ZNF333: variants seen among roughly 807,000 people sequenced by gnomAD.
ZNF333 encodes the protein zinc finger protein 333.
In ZNF333, 61 loss-of-function variants were observed where a neutral mutation model predicts 76.1. The ratio of observed to expected loss-of-function variants is 0.80; its 90% confidence interval spans 0.65 to 0.99. The LOEUF (loss-of-function observed/expected upper bound fraction) is 0.99. ZNF333 is among the 50% of genes least tolerant of loss of function. ZNF333 has a pLI of 0.00. For synonymous variants in ZNF333, 284 were observed against 305.0 expected (o/e 0.93, Z 0.72); for missense variants, 717 against 822.4 (o/e 0.87, Z 1.57).
At chr19:14,693,594 G>A (rs1267072699) in intron 2 of ZNF333, 100 bp downstream of exon 2, 1 of 1,397,962 alleles carries the variant, frequency 7.2e-7, no homozygotes. Flanking sequence ...GTCCCCAACT[G>A]AGGAAGAAAG....
intron 11 of ZNF333, among the ~76,000 whole-genome samples, chr19:14,728,212 C>T (rs903208003): frequency 6.6e-6 from 1 of 151,394 alleles, no homozygotes; most frequent in Non-Finnish European, 1.5e-5. Context: ...GACTCCGTCT[C>T]AAAAAAAAAT....
At chr19:14,706,878 C>T (rs2042126348) in intron 7 of ZNF333, 105 bp downstream of exon 7, 1 of 947,130 alleles carries the variant, frequency 1.1e-6, no homozygotes, top group Non-Finnish European at 1.6e-6. Flanking sequence ...TGACTGCAGG[C>T]ACTGCCGTGG....
Position 14,720,373 on chromosome 19 carries a change from G to A in ZNF333, c.*1048G>A. The A allele has an allele frequency of 1.0e-6, 1 of 985,414 alleles. No homozygotes were observed. Among genetic ancestry groups the A allele is most frequent in the Non-Finnish European group, 1.2e-6 (1 of 829,928 alleles). The allele number at this position is 985,414 out of a possible 1,614,324, so 61.0% of individuals were successfully genotyped here. ...CCACTTCTTGCCTTTTGGACAAGTA[G>A]ACATGATTTCTAGACCTAGAGGAGC... On this transcript the variant is annotated 3_prime_UTR_variant, in exon 12 of 12. Transcript: ENST00000292530.
chr19:14,729,949 GA>G (rs1229100148), intron 11 of ZNF333, among the ~76,000 whole-genome samples: 1 of 152,212 alleles, frequency 6.6e-6, no homozygotes, highest in African/African-American at 2.4e-5. Flanking sequence ...GGAAAGGGCA[GA>G]AATCCTCAGT....
chr19:14,720,991 T>C lies in ZNF333; in HGVS notation c.*1666T>C. ...TGTTACTTTTATTCTTATAAAGTGA[T>C]CATCCTTTTCCCTATTACTGAACAT... is the stretch of plus-strand genomic sequence containing the variant. On this transcript the variant is annotated 3_prime_UTR_variant, in exon 12 of 12. Coordinates refer to ENST00000292530, the MANE Select transcript of ZNF333 (RefSeq NM_032433.4). 1 of 902,430 alleles carries C rather than the reference T, an allele frequency of 1.1e-6. No homozygotes were observed. Among genetic ancestry groups the C allele is most frequent in the Non-Finnish European group, 1.3e-6 (1 of 754,490 alleles). The allele number at this position is 902,430 out of a possible 1,614,324, so 55.9% of individuals were successfully genotyped here.
In ZNF333 at chr19:14,720,185, C is replaced by T; in HGVS notation, c.*860C>T. ...TGGGCAACAGAGTGAAACTCTGTCT[C>T]AAAAATAATAATAATAAAAAAAAGC... On this transcript the variant is annotated 3_prime_UTR_variant, in exon 12 of 12. Coordinates refer to ENST00000292530, the MANE Select transcript of ZNF333 (RefSeq NM_032433.4). 1 of 980,318 alleles carries T rather than the reference C, an allele frequency of 1.0e-6. No individual in the cohort carries two copies. 60.7% of individuals were successfully genotyped at this position (980,318 alleles called of 1,614,324 possible).
At chr19:14,722,787 T>C (rs1310966335), downstream of ZNF333, among the ~76,000 whole-genome samples, 2 of 152,154 alleles carry the variant, frequency 1.3e-5, no homozygotes, top group Non-Finnish European at 2.9e-5. Context: ...TGTTTGTTTG[T>C]TCGTTTTTGT....
In ZNF333 at chr19:14,715,147, G is replaced by A. The variant is rs1346265226; in HGVS notation, c.512-235G>A. ...GCATGTGGTATGTAACTGTGTATAT[G>A]TGTGCGTGTTTGTGTGTATATGTGT... On this transcript the variant is annotated intron_variant, in intron 7 of 11. Transcript: ENST00000292530. 11 of 492,812 alleles carry A rather than the reference G, an allele frequency of 2.2e-5. 1 individual carries two copies. The highest frequency in any genetic ancestry group is 1.0e-4 in the Admixed American group (3 of 30,058). The allele number at this position is 492,812 out of a possible 1,614,324, so 30.5% of individuals were successfully genotyped here.
intron 11 of ZNF333, among the ~76,000 whole-genome samples, chr19:14,728,028 C>G (rs1262747402): frequency 6.6e-6 from 1 of 152,180 alleles, no homozygotes; most frequent in Non-Finnish European, 1.5e-5. Flanking sequence ...CGAGACCATC[C>G]TGGCTAACAC....
At chr19:14,690,716 C>A (rs952843244) in intron 1 of ZNF333, among the ~76,000 whole-genome samples, 2 of 152,168 alleles carry the variant, frequency 1.3e-5, no homozygotes, top group African/African-American at 4.8e-5. Context: ...AATTTGAAGT[C>A]TTTTAGCTTA....
In ZNF333 at chr19:14,708,340, C is replaced by CT. The variant is rs1326035493; in HGVS notation, c.511+1568dup. ...TTACTTCTTGAAGCGGGTAACACCA[C>CT]TACTGTCATCCGATGGTGAGATGGG... On this transcript the variant is annotated intron_variant, in intron 7 of 11. Coordinates refer to ENST00000292530, the MANE Select transcript of ZNF333 (RefSeq NM_032433.4). The CT allele has an allele frequency of 6.5e-5, 26 of 401,220 alleles. No individual in the cohort carries two copies. In the Middle Eastern group the frequency reaches 1.2e-3, roughly 19 times the overall value. 24.9% of individuals were successfully genotyped at this position (401,220 alleles called of 1,614,324 possible). A position where few individuals can be genotyped will look rare whatever the true frequency, so the allele number is the denominator to read the frequency against.
In ZNF333 at chr19:14,719,988, TCAGC is replaced by T; in HGVS notation, c.*665_*668del. The T allele has an allele frequency of 4.4e-6, 4 of 911,286 alleles. No individual in the cohort carries two copies. The highest frequency in any genetic ancestry group is 5.2e-6 in the Non-Finnish European group (4 of 762,528). 56.5% of individuals were successfully genotyped at this position (911,286 alleles called of 1,614,324 possible). A position where few individuals can be genotyped will look rare whatever the true frequency, so the allele number is the denominator to read the frequency against. On this transcript the variant is annotated 3_prime_UTR_variant, in exon 12 of 12. Coordinates refer to ENST00000292530, the MANE Select transcript of ZNF333 (RefSeq NM_032433.4). Reference sequence around the variant, plus strand: ...ATCACCTGAGGTCAGGAGTTCGAGATCAGCCTGGCCAACATGGTGAAATCCCCTC... The same window carrying T: ...ATCACCTGAGGTCAGGAGTTCGAGATCTGGCCAACATGGTGAAATCCCCTC...
chr19:14,692,402 T>C (rs1054326857), intron 1 of ZNF333, among the ~76,000 whole-genome samples: 8 of 152,150 alleles, frequency 5.3e-5, no homozygotes, highest in Non-Finnish European at 1.0e-4. Flanking sequence ...TTCCAGGAGC[T>C]GAGAACAGGT....
At chr19:14,711,763 G>A (rs1244004034) in intron 7 of ZNF333, among the ~76,000 whole-genome samples, 4 of 152,156 alleles carry the variant, frequency 2.6e-5, no homozygotes, top group African/African-American at 9.7e-5. Flanking sequence ...TGCCAAGTAA[G>A]GTATCGGGGA....
chr19:14,717,773 G>A, intron 11 of ZNF333, 40 bp downstream of exon 11: 2 of 1,584,664 alleles, frequency 1.3e-6, no homozygotes, highest in South Asian at 1.1e-5. Flanking sequence ...CTCTATAGTA[G>A]GATGAGTCTG....
At chr19:14,691,861 G>C (rs1032989795) in intron 1 of ZNF333, among the ~76,000 whole-genome samples, 1 of 152,006 alleles carries the variant, frequency 6.6e-6, no homozygotes, top group Non-Finnish European at 1.5e-5. Context: ...ATTTTTAGTA[G>C]AGACGGGGTT....
chr19:14,706,655 T>G (rs974270921), intron 6 of ZNF333, 31 bp from the exon 7 acceptor site: 2 of 1,602,756 alleles, frequency 1.2e-6, no homozygotes, highest in Admixed American at 1.7e-5. Flanking sequence ...GCTTCTTGAC[T>G]CTAATCTGTG....
intron 5 of ZNF333, among the ~76,000 whole-genome samples, chr19:14,703,287 A>G (rs1199491937): frequency 1.3e-5 from 2 of 151,392 alleles, no homozygotes; most frequent in South Asian, 2.1e-4. Context: ...AACTGCCTCC[A>G]TGATTCAATT....
intron 11 of ZNF333, among the ~76,000 whole-genome samples, chr19:14,730,604 A>C (rs2147050650): frequency 6.6e-6 from 1 of 152,336 alleles, no homozygotes; most frequent in East Asian, 1.9e-4. Flanking sequence ...CTAGCAAAGC[A>C]GTTTGTAATA....
Sources: gnomAD v4.1 joint callset for allele counts (sites outside exome capture counted in the v4.1 genomes callset) on GRCh38, gnomAD v4.1.1 for gene constraint, MANE v1.5 for transcripts, NCBI Gene and HGNC (gene_info 2026-07-23, HGNC 2026-07-21) for gene names.